The following NXPE4 variants were observed in gnomAD, a reference collection of about 807,000 sequenced individuals.
The protein encoded by NXPE4 is neurexophilin and PC-esterase domain family member 4, also known as NXPE family member 4.
A neutral mutation model predicts 33.3 loss-of-function variants in NXPE4; 42 were observed. The observed-to-expected ratio is 1.26, with a 90% CI of 0.98 to 1.63. NXPE4 has a LOEUF of 1.63. Among genes scored for constraint, NXPE4 ranks in the 40% most tolerant of loss-of-function variants. The pLI, the probability that NXPE4 is intolerant of heterozygous loss-of-function variation, is 0.00. For synonymous variants in NXPE4, 253 were observed against 234.9 expected (o/e 1.08, Z -0.71); for missense variants, 709 against 647.6 (o/e 1.09, Z -1.03).
At chr11:114,577,126 G>T (rs1317734966) in intron 5 of NXPE4, among the ~76,000 whole-genome samples, 15 of 130,622 alleles carry the variant, frequency 1.1e-4, no homozygotes, top group African/African-American at 4.0e-4. Context: ...TATATATAAA[G>T]TTATATATAT....
rs113059599 is a variant in NXPE4, at chr11:114,585,594, C to CGTGT, written c.97-2577_97-2574dup. 1.7e-3 allele frequency among the ~76,000 whole-genome samples: 259 copies of CGTGT among 150,886 alleles called. 1 individual carries two copies. The highest frequency in any genetic ancestry group is 5.9e-3 in the African/African-American group (245 of 41,184). On this transcript the variant is annotated intron_variant, in intron 2 of 5. Coordinates refer to ENST00000375478, the MANE Select transcript of NXPE4 (RefSeq NM_001077639.2). ...CAAGAGAAAATGACAAATATATGTA[C>CGTGT]GTGTGTGTGTGTGTGTATATATATG...
chr11:114,646,045 A>G, the NXPE4 span, among the ~76,000 whole-genome samples: 1 of 152,152 alleles, frequency 6.6e-6, no homozygotes, highest in Non-Finnish European at 1.5e-5. Context: ...GGTTAAATGC[A>G]GATATGATAT....
At chr11:114,615,622 T>C in the NXPE4 span, among the ~76,000 whole-genome samples, 20 of 149,718 alleles carry the variant, frequency 1.3e-4, 5 homozygotes, top group African/African-American at 4.8e-4. Context: ...CACTGGTACC[T>C]GGTGGATAAT....
chr11:114,668,109 G>A, the NXPE4 span, among the ~76,000 whole-genome samples: 1 of 151,966 alleles, frequency 6.6e-6, no homozygotes, highest in Non-Finnish European at 1.5e-5. Context: ...AATACCTCTT[G>A]ATAGATGGAT....
the NXPE4 span, among the ~76,000 whole-genome samples, chr11:114,640,542 A>C: frequency 1.3e-5 from 2 of 151,808 alleles, no homozygotes; most frequent in Non-Finnish European, 2.9e-5. Context: ...TACTATTTAC[A>C]CAGAGGTTGT....
intron 2 of NXPE4, chr11:114,584,224 A>T (rs1426040379): frequency 2.5e-6 from 1 of 404,654 alleles, no homozygotes; most frequent in Non-Finnish European, 4.9e-6. Flanking sequence ...GGATATGGAG[A>T]TCCCTAATGA....
the NXPE4 span, among the ~76,000 whole-genome samples, chr11:114,628,419 T>C: frequency 6.6e-6 from 1 of 152,342 alleles, no homozygotes; most frequent in East Asian, 1.9e-4. Context: ...TCTGAATGAC[T>C]ACTGGGTACA....
chr11:114,578,101 G>C (rs1047879282), intron 5 of NXPE4, among the ~76,000 whole-genome samples: 15 of 152,116 alleles, frequency 9.9e-5, no homozygotes, highest in African/African-American at 3.6e-4. Context: ...TAGAACTTTT[G>C]AGGAAAATGT....
the NXPE4 span, among the ~76,000 whole-genome samples, chr11:114,653,681 C>T: frequency 6.6e-6 from 1 of 152,000 alleles, no homozygotes; most frequent in Non-Finnish European, 1.5e-5. Context: ...GCGCCCACCA[C>T]TATGCCTGGC....
At position 114,582,364 on chromosome 11, in the gene NXPE4, C is replaced by T; in HGVS notation, c.754G>A (p.Ala252Thr). 1 of 1,614,068 alleles carries T rather than the reference C, an allele frequency of 6.2e-7. No homozygotes were observed. Among genetic ancestry groups the T allele is most frequent in the Non-Finnish European group, 8.5e-7 (1 of 1,179,930 alleles). The change falls in exon 3 of 6, where the codon GCT becomes ACT. Residue 252 changes from alanine to threonine, a missense_variant. By Grantham distance (58) the Ala-to-Thr change is moderately conservative (BLOSUM62 0). Coordinates refer to ENST00000375478, the MANE Select transcript of NXPE4 (RefSeq NM_001077639.2). Reference protein sequence around the residue: ...YCVRPQHMPCAALTHMYSKNK... With the variant: ...YCVRPQHMPCTALTHMYSKNK... ...TTAGAATACATGTGAGTGAGTGCAG[C>T]ACAGGGCATGTGTTGAGGCCTCACA...
intron 4 of NXPE4, among the ~76,000 whole-genome samples, chr11:114,581,002 G>T (rs1949132274): frequency 1.3e-5 from 2 of 152,096 alleles, no homozygotes; most frequent in South Asian, 4.1e-4. Context: ...TTTAATAAGT[G>T]GGATGAGTGT....
chr11:114,586,303 C>G (rs956841890), intron 2 of NXPE4, among the ~76,000 whole-genome samples: 3 of 152,146 alleles, frequency 2.0e-5, no homozygotes, highest in African/African-American at 7.2e-5. Context: ...GACAATGAAC[C>G]TCGGGTATTA....
At chr11:114,580,774 TA>T (rs1276073388) in intron 4 of NXPE4, among the ~76,000 whole-genome samples, 1 of 152,144 alleles carries the variant, frequency 6.6e-6, no homozygotes, top group East Asian at 1.9e-4. Flanking sequence ...AAAGGTGATA[TA>T]AAAAATATTA....
chr11:114,571,186 GA>G lies in NXPE4; in HGVS notation c.1386del (p.Leu463Ter). The G allele has an allele frequency of 6.2e-7, 1 of 1,613,844 alleles. No homozygotes were observed. The highest frequency in any genetic ancestry group is 8.5e-7 in the Non-Finnish European group (1 of 1,179,958). ...ATAACCATAGTGTCTGGGCTTCTCA[GA>G]AGAAGATGCTGAATGGCTTTGTGGA... is the stretch of plus-strand genomic sequence containing the variant. ...LNVHKAIQHLLLRSPDTMVII... is the reference protein window; with the variant it reads ...LNVHKAIQHLXLRSPDTMVII... On this transcript the variant is annotated frameshift_variant, in exon 6 of 6. Coordinates refer to ENST00000375478, the MANE Select transcript of NXPE4 (RefSeq NM_001077639.2). LOFTEE classifies it high-confidence loss of function.
At chr11:114,627,037 A>C in the NXPE4 span, among the ~76,000 whole-genome samples, 23 of 152,204 alleles carry the variant, frequency 1.5e-4, no homozygotes, top group Non-Finnish European at 2.5e-4. Flanking sequence ...CCAAATCTAC[A>C]TCTCATTTGT....
At chr11:114,601,441 G>A in the NXPE4 span, among the ~76,000 whole-genome samples, 1 of 123,200 alleles carries the variant, frequency 8.1e-6, no homozygotes, top group African/African-American at 3.1e-5. Flanking sequence ...TTAAATTTAT[G>A]TATATATTTA....
rs867899556 is a variant in NXPE4 at position 114,571,259 on chromosome 11, A to G, written c.1314T>C (p.His438=). The G allele has an allele frequency of 1.2e-6, 2 of 1,614,020 alleles. No homozygotes were observed. The highest frequency in any genetic ancestry group is 1.3e-5 in the African/African-American group (1 of 75,034). The part of the protein sequence containing the change: ...NTVIVISLGQ[H]FRPFPIDVFI... ...AAACATCAATGGGAAAGGGTCTGAA[A>G]TGCTGGCCCAGGGAAATAACAATGA... The change falls in exon 6 of 6, where the codon CAT becomes CAC. Residue 438 remains histidine (H), a synonymous_variant. Transcript: ENST00000375478.
upstream of NXPE4, among the ~76,000 whole-genome samples, chr11:114,600,443 A>T (rs1467778834): frequency 1.3e-5 from 2 of 152,190 alleles, no homozygotes; most frequent in Non-Finnish European, 2.9e-5. Flanking sequence ...CTAATAAGAC[A>T]CAAATGCTGT....
chr11:114,640,802 A>G, the NXPE4 span, among the ~76,000 whole-genome samples: 5 of 151,802 alleles, frequency 3.3e-5, no homozygotes, highest in Non-Finnish European at 7.4e-5. Flanking sequence ...TAATAGAACT[A>G]TTTATTTTTT....
Sources: gnomAD v4.1 joint callset for allele counts (sites outside exome capture counted in the v4.1 genomes callset) on GRCh38, gnomAD v4.1.1 for gene constraint, MANE v1.5 for transcripts, NCBI Gene and HGNC (gene_info 2026-07-23, HGNC 2026-07-21) for gene names.